Variants in SLC22A15 observed in about 807,000 individuals in gnomAD.
SLC22A15 encodes the protein solute carrier family 22 member 15, also known as flipt 1.
Under a neutral mutation model 62.7 loss-of-function variants are expected in SLC22A15, and 45 were observed. The ratio of observed to expected loss-of-function variants is 0.72; its 90% CI spans 0.56 to 0.92. The LOEUF is 0.92. SLC22A15 is among the 40% of genes least tolerant of loss of function. SLC22A15 has a pLI of 0.00. For synonymous variants in SLC22A15, 264 were observed against 267.0 expected (o/e 0.99, Z 0.11); for missense variants, 622 against 665.6 (o/e 0.93, Z 0.72).
chr1:116,052,873 A>T (rs987395852), intron 8 of SLC22A15, among the ~76,000 whole-genome samples: 2 of 152,134 alleles, frequency 1.3e-5, no homozygotes, highest in African/African-American at 4.8e-5. Flanking sequence ...AAACTAACAA[A>T]CAGAAAGGAC....
intron 8 of SLC22A15, among the ~76,000 whole-genome samples, chr1:116,052,677 C>T (rs1465172633): frequency 6.6e-6 from 1 of 152,212 alleles, no homozygotes; most frequent in East Asian, 1.9e-4. Flanking sequence ...AGACTGACAC[C>T]TCACACGGCG....
rs116022245 is a variant in SLC22A15, at chr1:115,996,178, T to C, written c.300+3935T>C. On this transcript the variant is annotated intron_variant, in intron 2 of 11. Transcript: ENST00000369503. ...GCCTTTTGAGATTGGCTTTTTTTAT[T>C]CAGCATAATTATCTGCAGATTCATC... Among the ~76,000 whole-genome samples, 313 of 152,358 alleles carry C rather than the reference T, an allele frequency of 2.1e-3. 1 individual carries two copies. Among genetic ancestry groups the C allele is most frequent in the African/African-American group, 7.0e-3 (293 of 41,580 alleles).
chr1:116,051,416 T>TA (rs1296227883), intron 8 of SLC22A15, among the ~76,000 whole-genome samples: 3 of 152,178 alleles, frequency 2.0e-5, no homozygotes, highest in Admixed American at 1.3e-4. Flanking sequence ...TCCAAATACT[T>TA]ACAGCCAACT....
chr1:116,032,577 T>A, intron 6 of SLC22A15: 3 of 985,466 alleles, frequency 3.0e-6, no homozygotes, highest in Non-Finnish European at 3.6e-6. Flanking sequence ...ATACTCTTTT[T>A]CTACCCAAGC....
intron 8 of SLC22A15, among the ~76,000 whole-genome samples, chr1:116,061,419 G>A (rs1570776246): frequency 6.6e-6 from 1 of 152,204 alleles, no homozygotes; most frequent in East Asian, 1.9e-4. Context: ...GAGAATGAGA[G>A]GCAATTACAT....
At chr1:115,989,995 A>C (rs1433067426) in intron 1 of SLC22A15, among the ~76,000 whole-genome samples, 4 of 152,328 alleles carry the variant, frequency 2.6e-5, no homozygotes, top group African/African-American at 9.6e-5. Context: ...AGTATATTTC[A>C]ATAGAACAAA....
In SLC22A15 at chr1:116,064,634, C is replaced by T. The variant is rs543936575; in HGVS notation, c.1365+126C>T. 3 of 689,740 alleles carry T rather than the reference C, an allele frequency of 4.3e-6. No homozygotes were observed. In the African/African-American group the frequency reaches 5.3e-5, roughly 12 times the overall value. The allele number at this position is 689,740 out of a possible 1,614,324, so 42.7% of individuals were successfully genotyped here. On this transcript the variant is annotated intron_variant, in intron 10 of 11. Transcript: ENST00000369503. ...CAGCTGACACAAATGTGAACCTTGGCCCTTTTAGATAGTATTCCGTCAGGG... is the reference window on the plus strand; with the variant it reads ...CAGCTGACACAAATGTGAACCTTGGTCCTTTTAGATAGTATTCCGTCAGGG...
intron 2 of SLC22A15, among the ~76,000 whole-genome samples, chr1:116,010,892 C>T (rs538196818): frequency 6.6e-6 from 1 of 152,318 alleles, no homozygotes; most frequent in South Asian, 2.1e-4. Context: ...AGCATGACCT[C>T]CAGCAACAAG....
rs1160741926 is a variant in SLC22A15 at position 116,068,718 on chromosome 1, A to G, written c.*1610A>G. 2.6e-5 allele frequency: 4 copies of G among 152,154 alleles called. No individual in the cohort carries two copies. The highest frequency in any genetic ancestry group is 1.9e-4 in the East Asian group (1 of 5,188). The allele number at this position is 152,154 out of a possible 1,614,324, so 9.4% of individuals were successfully genotyped here. A position where few individuals can be genotyped will look rare whatever the true frequency, so the allele number is the denominator to read the frequency against. On this transcript the variant is annotated 3_prime_UTR_variant, in exon 12 of 12. Transcript: ENST00000369503. ...AACTCCTCCCAGTATAATTTTTACA[A>G]ACTCCAAGCAAATCTGACCCAAACT...
chr1:116,037,964 T>C (rs1302190016), intron 8 of SLC22A15, among the ~76,000 whole-genome samples: 1 of 152,240 alleles, frequency 6.6e-6, no homozygotes, highest in Non-Finnish European at 1.5e-5. Context: ...CAAACACAGC[T>C]TCAAGAAGGA....
intron 2 of SLC22A15, 115 bp from the exon 3 acceptor site, chr1:116,019,467 T>A: frequency 3.1e-6 from 3 of 972,748 alleles, no homozygotes; most frequent in Non-Finnish European, 4.5e-6. Flanking sequence ...TGAATTCTGG[T>A]TAATAGTGGA....
At chr1:116,017,387 A>G (rs1208723168) in intron 2 of SLC22A15, 1 of 151,032 alleles carries the variant, frequency 6.6e-6, no homozygotes, top group Non-Finnish European at 1.5e-5. Context: ...AAAAAAAAGA[A>G]AAGAAAAAAA....
At chr1:116,055,855 A>G (rs1373098373) in intron 8 of SLC22A15, among the ~76,000 whole-genome samples, 1 of 148,016 alleles carries the variant, frequency 6.8e-6, no homozygotes, top group Non-Finnish European at 1.5e-5. Context: ...AAATTCAACA[A>G]CACTTCATGC....
At chr1:116,013,577 A>G (rs1656382881) in intron 2 of SLC22A15, among the ~76,000 whole-genome samples, 1 of 152,178 alleles carries the variant, frequency 6.6e-6, no homozygotes, top group Non-Finnish European at 1.5e-5. Flanking sequence ...TTTGATATAC[A>G]TTGTTTCATT....
chr1:116,047,639 C>T (rs533718831), intron 8 of SLC22A15, among the ~76,000 whole-genome samples: 1 of 152,256 alleles, frequency 6.6e-6, no homozygotes, highest in South Asian at 2.1e-4. Flanking sequence ...ACAACAATCA[C>T]TGCAGTTTGG....
At chr1:116,032,217 C>T (rs1391051580) in intron 6 of SLC22A15, 10 of 985,434 alleles carry the variant, frequency 1.0e-5, no homozygotes, top group Non-Finnish European at 1.2e-5. Flanking sequence ...AAAATGCTCT[C>T]AGCGTGAGTG....
intron 2 of SLC22A15, among the ~76,000 whole-genome samples, chr1:116,013,609 TG>T (rs1193188139): frequency 8.5e-5 from 13 of 152,228 alleles, no homozygotes; most frequent in Non-Finnish European, 1.6e-4. Context: ...AATTTTGTTT[TG>T]GGGATTACAT....
At chr1:116,020,424 C>T (rs1225282313) in intron 3 of SLC22A15, among the ~76,000 whole-genome samples, 2 of 151,460 alleles carry the variant, frequency 1.3e-5, no homozygotes, top group Non-Finnish European at 2.9e-5. Context: ...GGCATGGTGG[C>T]GGGCGCCTGT....
intron 9 of SLC22A15, among the ~76,000 whole-genome samples, chr1:116,063,845 C>T (rs79667116): frequency 6.6e-6 from 1 of 152,178 alleles, no homozygotes; most frequent in Non-Finnish European, 1.5e-5. Context: ...CTCCCTCCCT[C>T]TCTCCTTCCT....
Sources: gnomAD v4.1 joint callset for allele counts (sites outside exome capture counted in the v4.1 genomes callset) on GRCh38, gnomAD v4.1.1 for gene constraint, MANE v1.5 for transcripts, NCBI Gene and HGNC (gene_info 2026-07-23, HGNC 2026-07-21) for gene names.